TTBK2: variants seen among roughly 807,000 people sequenced by gnomAD.
TTBK2 encodes the protein tau-tubulin kinase 2.
TTBK2 carries 28 observed loss-of-function variants against 110.8 expected under a neutral mutation model. The ratio of observed to expected loss-of-function variants is 0.25; its 90% CI spans 0.19 to 0.35. The LOEUF is 0.35. Among genes scored for constraint, TTBK2 ranks in the 10% least tolerant of loss-of-function variants. TTBK2 has a pLI of 1.00. For synonymous variants in TTBK2, 532 were observed against 527.3 expected, an observed-to-expected ratio of 1.01 and a Z score of -0.12; for missense variants, 1,369 against 1,500.3, an observed-to-expected ratio of 0.91 and a Z score of 1.45.
In TTBK2 at chr15:42,840,376, A is replaced by G. The variant is rs1893168471; in HGVS notation, c.275T>C (p.Val92Ala). 1 of 1,613,910 alleles carries G rather than the reference A, an allele frequency of 6.2e-7. No homozygotes were observed. The highest frequency in any genetic ancestry group is 8.5e-7 in the Non-Finnish European group (1 of 1,179,930). Residue 92 changes from valine to alanine, a missense_variant, in exon 4 of 15, where the codon GTG becomes GCG. Coordinates refer to ENST00000267890, the MANE Select transcript of TTBK2 (RefSeq NM_173500.4). ...GTAACCTACCTGCAACTGCATGACC[A>G]CATAGTTGAATCGATCATTCCTCCC... Reference protein sequence around the residue: ...GCGRNDRFNYVVMQLQGRNLA... With the variant: ...GCGRNDRFNYAVMQLQGRNLA...
At position 42,817,019 on chromosome 15, in the gene TTBK2, T is replaced by C; in HGVS notation, c.603+13A>G. 1 of 1,592,546 alleles carries C rather than the reference T, an allele frequency of 6.3e-7. No individual in the cohort carries two copies. The highest frequency in any genetic ancestry group is 1.1e-5 in the South Asian group (1 of 90,784). ...CATACTTATACAGATATGACTCTAGTTCAGATACCTACCCTGTTCCGATGT... is the reference window on the plus strand; with the variant it reads ...CATACTTATACAGATATGACTCTAGCTCAGATACCTACCCTGTTCCGATGT... On this transcript the variant is annotated intron_variant, in intron 7 of 14. Coordinates refer to ENST00000267890, the MANE Select transcript of TTBK2 (RefSeq NM_173500.4).
chr15:42,850,536 C>G (rs9920202), intron 3 of TTBK2, among the ~76,000 whole-genome samples: 1 of 152,030 alleles, frequency 6.6e-6, no homozygotes, highest in Non-Finnish European at 1.5e-5. Flanking sequence ...GAGTGAAGTG[C>G]GCTTACTCCA....
chr15:42,821,692 T>TG (rs1156802145), intron 6 of TTBK2, among the ~76,000 whole-genome samples: 20 of 128,834 alleles, frequency 1.6e-4, no homozygotes, highest in African/African-American at 6.7e-4. Flanking sequence ...TTTTGTTTTT[T>TG]TTTTGTTTTT....
At chr15:42,798,017 G>A (rs1296400712) in intron 9 of TTBK2, among the ~76,000 whole-genome samples, 1 of 152,106 alleles carries the variant, frequency 6.6e-6, no homozygotes, top group African/African-American at 2.4e-5. Flanking sequence ...CTGGGTAGCT[G>A]GGACTACAGG....
At position 42,753,075 on chromosome 15, in the gene TTBK2, C is replaced by T. The variant is rs201524659; in HGVS notation, c.2171G>A (p.Gly724Glu). The change falls in exon 14 of 15, where the codon GGA (glycine) becomes GAA (glutamate). Residue 724 changes from glycine (G) to glutamate (E), a missense_variant. This residue lies in a region of TTBK2 where 1,097 missense variants were observed against 1,114.7 expected (regional missense o/e 0.98). Transcript: ENST00000267890. Reference sequence around the variant, plus strand: ...AAGCCCCAAATCTGTTCTGCTTCCTCCACTAGGAGGTTCACCCTCTGTCAC... The same window carrying T: ...AAGCCCCAAATCTGTTCTGCTTCCTTCACTAGGAGGTTCACCCTCTGTCAC... ...LVVTEGEPPS[G>E]GSRTDLGLQI... 5.6e-4 allele frequency: 896 copies of T among 1,609,078 alleles called. 2 individuals are homozygous for T. Among genetic ancestry groups the T allele is most frequent in the South Asian group, 3.6e-3 (321 of 90,198 alleles).
chr15:42,745,780 G>C lies in TTBK2; in HGVS notation c.*15C>G. On this transcript the variant is annotated 3_prime_UTR_variant, in exon 15 of 15. Transcript: ENST00000267890. ...AGGAAGATCTCACACCTTTCAAAGAGATGCAGCCTGGCTCCTATCTGCTGA... is the reference window on the plus strand; with the variant it reads ...AGGAAGATCTCACACCTTTCAAAGACATGCAGCCTGGCTCCTATCTGCTGA... 1 of 1,613,642 alleles carries C rather than the reference G, an allele frequency of 6.2e-7. No homozygotes were observed. The highest frequency in any genetic ancestry group is 8.5e-7 in the Non-Finnish European group (1 of 1,179,930).
At chr15:42,825,652 T>C (rs1892497423) in intron 6 of TTBK2, among the ~76,000 whole-genome samples, 1 of 151,942 alleles carries the variant, frequency 6.6e-6, no homozygotes, top group African/African-American at 2.4e-5. Context: ...GAGGCGGAGG[T>C]AGCAGTGAGT....
At chr15:42,753,421 AGCT>A (rs763327774) in intron 13 of TTBK2, among the ~76,000 whole-genome samples, 174 bp from the exon 14 acceptor site, 115 of 152,336 alleles carry the variant, frequency 7.5e-4, no homozygotes, top group Non-Finnish European at 1.4e-3. Flanking sequence ...TTGACACTCA[AGCT>A]ACCCTACTCA....
intron 1 of TTBK2, among the ~76,000 whole-genome samples, chr15:42,894,079 T>C (rs1895575021): frequency 1.3e-5 from 2 of 152,184 alleles, no homozygotes; most frequent in Admixed American, 1.3e-4. Flanking sequence ...ATGATGCTGT[T>C]CTCATGATGG....
intron 4 of TTBK2, among the ~76,000 whole-genome samples, chr15:42,838,281 A>G (rs527872040): frequency 2.2e-4 from 33 of 152,252 alleles, no homozygotes; most frequent in African/African-American, 7.2e-4. Context: ...AGAAATACTG[A>G]GAATTCTAGA....
chr15:42,796,802 A>G (rs924396572), intron 9 of TTBK2, among the ~76,000 whole-genome samples: 3 of 152,240 alleles, frequency 2.0e-5, no homozygotes, highest in Non-Finnish European at 4.4e-5. Context: ...AAACATTCCA[A>G]TAATACATGT....
intron 10 of TTBK2, among the ~76,000 whole-genome samples, chr15:42,790,767 T>C (rs1350215033): frequency 6.6e-6 from 1 of 152,116 alleles, no homozygotes; most frequent in African/African-American, 2.4e-5. Context: ...TGGCATGATC[T>C]CAGCTCACTG....
At chr15:42,918,034 G>C (rs1485802574) in intron 1 of TTBK2, among the ~76,000 whole-genome samples, 1 of 151,694 alleles carries the variant, frequency 6.6e-6, no homozygotes, top group Non-Finnish European at 1.5e-5. Flanking sequence ...GATCAATAAT[G>C]ATCCTAAACA....
At chr15:42,778,864 T>G (rs969344851) in intron 11 of TTBK2, among the ~76,000 whole-genome samples, 1 of 152,168 alleles carries the variant, frequency 6.6e-6, no homozygotes, top group Admixed American at 6.6e-5. Flanking sequence ...TCCCAGAACA[T>G]ATTTTTATAC....
chr15:42,865,876 C>T (rs1894354777), intron 3 of TTBK2, among the ~76,000 whole-genome samples: 1 of 152,008 alleles, frequency 6.6e-6, no homozygotes, highest in Non-Finnish European at 1.5e-5. Context: ...AAACAATTAA[C>T]AAAAATGGTA....
chr15:42,820,650 G>C (rs1488970355), intron 6 of TTBK2, among the ~76,000 whole-genome samples: 1 of 151,774 alleles, frequency 6.6e-6, no homozygotes, highest in Non-Finnish European at 1.5e-5. Flanking sequence ...AGGAGACACT[G>C]ATTAAATAAA....
Position 42,915,923 on chromosome 15 carries a change from C to A in TTBK2, c.-68+4515G>T, listed in dbSNP as rs574744367. Among the ~76,000 whole-genome samples, 14 of 151,984 alleles carry A rather than the reference C, an allele frequency of 9.2e-5. 2 individuals are homozygous for A. The highest frequency in any genetic ancestry group is 3.4e-4 in the African/African-American group (14 of 41,438). ...GATCATGGCACTCCAGCCTGGGCAA[C>A]AGAGCAAGACCCTGTCTCCAAAAAA... On this transcript the variant is annotated intron_variant, in intron 1 of 14. Coordinates refer to ENST00000267890, the MANE Select transcript of TTBK2 (RefSeq NM_173500.4).
chr15:42,775,310 T>G lies in TTBK2; in HGVS notation c.1823A>C (p.His608Pro). 2 of 1,614,204 alleles carry G rather than the reference T, an allele frequency of 1.2e-6. No homozygotes were observed. The highest frequency in any genetic ancestry group is 2.2e-5 in the East Asian group (1 of 44,888). ...LQLGPWAEND[H>P]LKKETSGVVL... ...CACACCTGAGGTTTCCTTCTTTAAA[T>G]GATCATTTTCTGCCCAAGGACCTAA... Residue 608 changes from histidine (H) to proline (P), a missense_variant, in exon 13 of 15, where the codon CAT becomes CCT. This residue lies in a region of TTBK2 where 1,097 missense variants were observed against 1,114.7 expected (regional missense o/e 0.98). Coordinates refer to ENST00000267890, the MANE Select transcript of TTBK2 (RefSeq NM_173500.4).
chr15:42,902,170 C>T (rs138976273), intron 1 of TTBK2, among the ~76,000 whole-genome samples: 1,774 of 147,236 alleles, frequency 0.012, 13 homozygotes, highest in Non-Finnish European at 0.017. Context: ...GAGCCAAGAT[C>T]GTGCCATTGC....
Sources: allele counts gnomAD v4.1 joint callset (sites outside exome capture counted in the v4.1 genomes callset), GRCh38; gene constraint gnomAD v4.1.1; regional missense constraint gnomAD v4.1.1; transcripts MANE v1.5; gene names NCBI Gene and HGNC (gene_info 2026-07-23, HGNC 2026-07-21).